DSCAML1: variants seen among roughly 807,000 people sequenced by gnomAD.
The protein encoded by DSCAML1 is DS cell adhesion molecule like 1.
A neutral mutation model predicts 200.5 loss-of-function variants in DSCAML1; 38 were observed. The observed-to-expected ratio is 0.19, with a 90% CI of 0.15 to 0.25. The LOEUF is 0.25. DSCAML1 is among the 10% of genes least tolerant of loss of function. DSCAML1 has a pLI of 1.00. For synonymous variants in DSCAML1, 1,215 were observed against 1,165.0 expected, an observed-to-expected ratio of 1.04 and a Z score of -0.87; for missense variants, 2,223 against 2,858.8, an observed-to-expected ratio of 0.78 and a Z score of 5.07.
intron 11 of DSCAML1, among the ~76,000 whole-genome samples, chr11:117,484,511 A>G (rs981671881): frequency 2.0e-5 from 3 of 152,278 alleles, no homozygotes; most frequent in Admixed American, 2.0e-4. Flanking sequence ...GATATACAAT[A>G]AAATGCAAAA....
At chr11:117,742,977 T>G (rs1406666894) in intron 3 of DSCAML1, among the ~76,000 whole-genome samples, 1 of 151,266 alleles carries the variant, frequency 6.6e-6, no homozygotes, top group African/African-American at 2.4e-5. Context: ...TCTGGGAGTA[T>G]AGCTATGGAG....
chr11:117,641,832 G>T (rs914383959), intron 3 of DSCAML1, among the ~76,000 whole-genome samples: 6 of 152,122 alleles, frequency 3.9e-5, no homozygotes, highest in Non-Finnish European at 8.8e-5. Flanking sequence ...ACGCATCTAT[G>T]GTGCACCTAC....
intron 3 of DSCAML1, among the ~76,000 whole-genome samples, chr11:117,652,226 T>C (rs2052647288): frequency 6.6e-6 from 1 of 152,238 alleles, no homozygotes; most frequent in South Asian, 2.1e-4. Context: ...GACAAGGCGT[T>C]GGTAGAATTA....
chr11:117,428,405 C>T lies in DSCAML1; in HGVS notation c.6085G>A (p.Glu2029Lys), dbSNP rs762186342. 3.0e-5 allele frequency: 47 copies of T among 1,570,928 alleles called. No homozygotes were observed. Among genetic ancestry groups the T allele is most frequent in the Middle Eastern group, 1.7e-4 (1 of 5,890 alleles). The change falls in exon 33 of 33, where the codon GAG (glutamate) becomes AAG (lysine). Residue 2029 changes from glutamate (E) to lysine (K), a missense_variant. This residue lies in a region of DSCAML1 where 280 missense variants were observed against 213.4 expected (regional missense o/e 1.31). Transcript: ENST00000651296. ...KMGGSRDSLL[E>K]MSTSGVGRSQ... Reference sequence around the variant, plus strand: ...CTCCCTACCCCCGATGTGCTCATCTCGAGAAGCGAGTCCCTGGAGCCCCCC... The same window carrying T: ...CTCCCTACCCCCGATGTGCTCATCTTGAGAAGCGAGTCCCTGGAGCCCCCC...
intron 6 of DSCAML1, among the ~76,000 whole-genome samples, chr11:117,520,797 G>A (rs913795734): frequency 7.7e-5 from 11 of 142,500 alleles, no homozygotes; most frequent in Non-Finnish European, 1.6e-4. Context: ...GTGCAAGATG[G>A]TCCCTGCCCG....
At chr11:117,709,537 GT>G (rs1352035786) in intron 3 of DSCAML1, among the ~76,000 whole-genome samples, 7 of 152,240 alleles carry the variant, frequency 4.6e-5, no homozygotes, top group African/African-American at 1.7e-4. Context: ...AATTGCGGGG[GT>G]TGGGGGGAGT....
At chr11:117,727,531 C>T (rs543071889) in intron 3 of DSCAML1, among the ~76,000 whole-genome samples, 9 of 152,256 alleles carry the variant, frequency 5.9e-5, no homozygotes, top group African/African-American at 2.2e-4. Context: ...TTTAACTTGG[C>T]ACAAATTCTG....
At chr11:117,606,010 T>C (rs2051559871) in intron 3 of DSCAML1, among the ~76,000 whole-genome samples, 1 of 152,124 alleles carries the variant, frequency 6.6e-6, no homozygotes, top group Non-Finnish European at 1.5e-5. Flanking sequence ...CTTTCCACTG[T>C]CTACTCTCAG....
At chr11:117,804,923 T>G (rs1011648745) in intron 1 of DSCAML1, among the ~76,000 whole-genome samples, 1 of 124,380 alleles carries the variant, frequency 8.0e-6, no homozygotes, top group Admixed American at 8.4e-5. Flanking sequence ...AGACTCTGTC[T>G]CATAAAAGAA....
intron 11 of DSCAML1, among the ~76,000 whole-genome samples, chr11:117,496,624 C>T (rs563363083): frequency 1.3e-5 from 2 of 152,310 alleles, no homozygotes; most frequent in East Asian, 3.9e-4. Context: ...AGCTCAGATC[C>T]ATCTGGAAAC....
chr11:117,673,869 C>G (rs940209371), intron 3 of DSCAML1, among the ~76,000 whole-genome samples: 3 of 152,242 alleles, frequency 2.0e-5, no homozygotes, highest in Non-Finnish European at 4.4e-5. Flanking sequence ...TTAGGCTGCC[C>G]TGGAACTCAG....
At chr11:117,772,415 C>T (rs1488595692) in intron 3 of DSCAML1, among the ~76,000 whole-genome samples, 1 of 152,204 alleles carries the variant, frequency 6.6e-6, no homozygotes, top group Non-Finnish European at 1.5e-5. Context: ...GTCCTCAGCG[C>T]ACTTTCAGCC....
At chr11:117,515,610 CTTTTTTTTTTTTTTT>C (rs56765238) in intron 8 of DSCAML1, among the ~76,000 whole-genome samples, 17,734 of 65,542 alleles carry the variant, frequency 0.27, 2,161 homozygotes, top group Middle Eastern at 0.46. Context: ...AGGGACGAAG[CTTTTTTTTTTTTTTT>C]TTTTTTTTTT....
At chr11:117,797,225 G>T (rs776100763), upstream of DSCAML1, 2 of 1,482,012 alleles carry the variant, frequency 1.3e-6, no homozygotes, top group South Asian at 1.3e-5. Context: ...CTGCGGCGGC[G>T]GCTCCTCCCT....
chr11:117,574,549 G>A lies in DSCAML1; in HGVS notation c.512-42027C>T, dbSNP rs562475012. Among the ~76,000 whole-genome samples the A allele has an allele frequency of 2.6e-5, 4 of 152,220 alleles. No individual in the cohort carries two copies. In the East Asian group the frequency reaches 7.7e-4, roughly 29 times the overall value. On this transcript the variant is annotated intron_variant, in intron 3 of 32. Transcript: ENST00000651296. ...CAGGGGCCCTTTAGCATTCACCAGT[G>A]GACACGAACTTGGTGACCCTGCACT...
intron 3 of DSCAML1, among the ~76,000 whole-genome samples, chr11:117,733,037 A>G (rs1050407763): frequency 6.6e-6 from 1 of 152,134 alleles, no homozygotes; most frequent in Non-Finnish European, 1.5e-5. Flanking sequence ...GACTGCAGTG[A>G]TTTATTTTTA....
At chr11:117,471,207 T>C (rs1370844086) in intron 15 of DSCAML1, among the ~76,000 whole-genome samples, 1 of 152,018 alleles carries the variant, frequency 6.6e-6, no homozygotes, top group African/African-American at 2.4e-5. Context: ...AGTCTTCCTC[T>C]GTCGCCCAGG....
At chr11:117,443,407 G>A (rs1011175373) in intron 21 of DSCAML1, among the ~76,000 whole-genome samples, 3 of 152,236 alleles carry the variant, frequency 2.0e-5, no homozygotes, top group Non-Finnish European at 4.4e-5. Context: ...CACAGCACGC[G>A]CTCCGTAAAG....
At chr11:117,814,363 A>G (rs946503580) in intron 1 of DSCAML1, among the ~76,000 whole-genome samples, 16 of 152,232 alleles carry the variant, frequency 1.1e-4, no homozygotes, top group African/African-American at 3.9e-4. Context: ...GCCAGGGCTC[A>G]AATCCAGGTC....
Sources: allele counts gnomAD v4.1 joint callset (sites outside exome capture counted in the v4.1 genomes callset), GRCh38; gene constraint gnomAD v4.1.1; regional missense constraint gnomAD v4.1.1; transcripts MANE v1.5; gene names NCBI Gene and HGNC (gene_info 2026-07-23, HGNC 2026-07-21).